Variants in SLC9B1 observed in about 807,000 individuals in gnomAD.
The protein encoded by SLC9B1 is solute carrier family 9 member B1.
SLC9B1 carries 32 observed loss-of-function variants against 51.7 expected under a neutral mutation model. That is an observed-to-expected ratio of 0.62 (90% CI 0.47 to 0.83). The LOEUF (loss-of-function observed/expected upper bound fraction) is 0.83, where lower values mean the gene tolerates loss of function less well. Ranked by LOEUF, SLC9B1 falls within the 40% of genes least tolerant of loss-of-function variation. The pLI, the probability that SLC9B1 is intolerant of heterozygous loss-of-function variation, is 0.00. For missense variants in SLC9B1, 406 were observed against 613.2 expected (o/e 0.66, Z 3.57); for synonymous variants, 145 against 212.7 (o/e 0.68, Z 2.77).
chr4:102,977,976 C>T (rs1225275909), intron 3 of SLC9B1, among the ~76,000 whole-genome samples: 1 of 152,078 alleles, frequency 6.6e-6, no homozygotes, highest in African/African-American at 2.4e-5. Context: ...ACCCCACAAC[C>T]ATCCCTGGTG....
At chr4:102,923,281 C>A (rs976717080) in intron 7 of SLC9B1, among the ~76,000 whole-genome samples, 1 of 152,172 alleles carries the variant, frequency 6.6e-6, no homozygotes, top group African/African-American at 2.4e-5. Flanking sequence ...TAAATGTAAT[C>A]CATCATATAA....
At chr4:102,942,395 T>C (rs1737049554) in intron 6 of SLC9B1, among the ~76,000 whole-genome samples, 2 of 151,994 alleles carry the variant, frequency 1.3e-5, no homozygotes, top group Admixed American at 1.3e-4. Flanking sequence ...AAAGAACAAA[T>C]GTGGATGCAT....
At chr4:103,000,435 A>G (rs1470086051) in intron 1 of SLC9B1, among the ~76,000 whole-genome samples, 1 of 152,236 alleles carries the variant, frequency 6.6e-6, no homozygotes, top group Non-Finnish European at 1.5e-5. Context: ...CCACAGACCA[A>G]TGTCTCATCT....
At position 102,904,062 on chromosome 4, in the gene SLC9B1, C is replaced by CT. The variant is rs752774697; in HGVS notation, c.1332+1451dup. 3.1e-3 allele frequency among the ~76,000 whole-genome samples: 447 copies of CT among 144,488 alleles called. 2 individuals carry two copies. The highest frequency in any genetic ancestry group is 0.014 in the South Asian group (63 of 4,592). The allele number at this position is 144,488 out of a possible 152,430, so 94.8% of individuals were successfully genotyped here. A position where few individuals can be genotyped will look rare whatever the true frequency, so the allele number is the denominator to read the frequency against. On this transcript the variant is annotated intron_variant, in intron 11 of 11. Transcript: ENST00000296422. Reference sequence around the variant, plus strand: ...ATCAATGTGTCTCTATTTTACTTTACTTTTTTTTTTTTTGGAGACAGGGTC... The same window carrying CT: ...ATCAATGTGTCTCTATTTTACTTTACTTTTTTTTTTTTTTGGAGACAGGGTC...
chr4:102,934,554 T>C (rs556083112), intron 6 of SLC9B1, among the ~76,000 whole-genome samples: 1 of 152,186 alleles, frequency 6.6e-6, no homozygotes, highest in Non-Finnish European at 1.5e-5. Flanking sequence ...ATCCCAGCAC[T>C]TTGGGAGGCT....
At chr4:102,940,922 T>A (rs999414367) in intron 6 of SLC9B1, among the ~76,000 whole-genome samples, 2 of 152,184 alleles carry the variant, frequency 1.3e-5, no homozygotes, top group African/African-American at 4.8e-5. Flanking sequence ...GCTAGCCATA[T>A]GCAGAAAACT....
chr4:102,939,406 C>CAAAA (rs56014819), intron 6 of SLC9B1, among the ~76,000 whole-genome samples: 37 of 68,190 alleles, frequency 5.4e-4, no homozygotes, highest in East Asian at 9.4e-4. Flanking sequence ...GTCTCTGAGC[C>CAAAA]AAAAAAAAAA....
intron 3 of SLC9B1, among the ~76,000 whole-genome samples, chr4:102,982,687 G>T (rs1429248221): frequency 6.6e-6 from 1 of 151,900 alleles, no homozygotes; most frequent in Non-Finnish European, 1.5e-5. Context: ...AATTCCATTT[G>T]TTCACTGTGG....
chr4:102,981,657 C>A (rs1026020229), intron 3 of SLC9B1, among the ~76,000 whole-genome samples: 1 of 152,038 alleles, frequency 6.6e-6, no homozygotes, highest in East Asian at 1.9e-4. Context: ...TATCTTATTT[C>A]GTGAGGTTCC....
At chr4:102,904,164 T>A (rs1734917968) in intron 11 of SLC9B1, among the ~76,000 whole-genome samples, 1 of 151,684 alleles carries the variant, frequency 6.6e-6, no homozygotes, top group Non-Finnish European at 1.5e-5. Context: ...GTTCAAGCAA[T>A]CCTCCTGCCT....
At chr4:102,989,347 A>G (rs1488126671) in intron 3 of SLC9B1, among the ~76,000 whole-genome samples, 3 of 152,018 alleles carry the variant, frequency 2.0e-5, no homozygotes, top group Admixed American at 2.0e-4. Flanking sequence ...GTATTTGCTG[A>G]CAACAACACT....
intron 6 of SLC9B1, among the ~76,000 whole-genome samples, chr4:102,941,635 G>A (rs4385064): frequency 0.55 from 62,313 of 113,416 alleles, 17,059 homozygotes; most frequent in African/African-American, 0.69. Flanking sequence ...GCAAGACTCC[G>A]TCTCAAAAAA....
intron 3 of SLC9B1, among the ~76,000 whole-genome samples, chr4:102,986,676 TTC>T (rs1739641492): frequency 6.6e-6 from 1 of 152,236 alleles, no homozygotes; most frequent in African/African-American, 2.4e-5. Flanking sequence ...CAGTATTTTT[TTC>T]TCTTTGCTTT....
At chr4:102,894,250 C>T (rs1453772028) in intron 11 of SLC9B1, among the ~76,000 whole-genome samples, 1 of 152,064 alleles carries the variant, frequency 6.6e-6, no homozygotes, top group Admixed American at 6.5e-5. Context: ...GCCTACAAAA[C>T]AAGTATTTTA....
chr4:102,999,549 T>C (rs1407333777), intron 1 of SLC9B1, among the ~76,000 whole-genome samples: 1 of 152,248 alleles, frequency 6.6e-6, no homozygotes, highest in African/African-American at 2.4e-5. Context: ...TCTAATACTA[T>C]GGTTCACAAT....
chr4:102,949,135 G>A lies in SLC9B1; in HGVS notation c.382+122C>T, dbSNP rs1578372176. On this transcript the variant is annotated intron_variant, in intron 4 of 11. Coordinates refer to ENST00000296422, the MANE Select transcript of SLC9B1 (RefSeq NM_139173.4). ...ACACACATACAGTAAATACATACAT[G>A]AAGAAACTATATAAAACATACTACA... 4.2e-5 allele frequency: 35 copies of A among 829,690 alleles called. No homozygotes were observed. The East Asian group carries it at 9.6e-4, about 23-fold the overall frequency. The allele number at this position is 829,690 out of a possible 1,614,324, so 51.4% of individuals were successfully genotyped here.
chr4:103,016,579 A>G (rs983817352), intron 1 of SLC9B1: 1 of 148,264 alleles, frequency 6.7e-6, no homozygotes, highest in African/African-American at 2.5e-5. Context: ...ACTTCTAAGC[A>G]TGATTCAGTA....
chr4:102,996,117 T>C (rs1740201954), intron 1 of SLC9B1, among the ~76,000 whole-genome samples: 2 of 152,192 alleles, frequency 1.3e-5, no homozygotes, highest in East Asian at 1.9e-4. Context: ...TGTGGTGACA[T>C]TGCATTATGA....
chr4:102,906,721 T>C (rs976890794), intron 9 of SLC9B1, 77 bp from the exon 10 acceptor site: 37 of 655,650 alleles, frequency 5.6e-5, no homozygotes, highest in East Asian at 4.7e-4. Context: ...TTCCCCCCCC[T>C]TTTTTTTTTC....
Sources: gnomAD v4.1 joint callset for allele counts (sites outside exome capture counted in the v4.1 genomes callset) on GRCh38, gnomAD v4.1.1 for gene constraint, MANE v1.5 for transcripts, NCBI Gene and HGNC (gene_info 2026-07-23, HGNC 2026-07-21) for gene names.